LRCH1: variants seen among roughly 807,000 people sequenced by gnomAD.
The protein encoded by LRCH1 is leucine-rich repeat and calponin homology domain-containing protein 1.
LRCH1 carries 23 observed loss-of-function variants against 94.9 expected under a neutral mutation model. That is an observed-to-expected ratio of 0.24 (90% confidence interval 0.17 to 0.34). The LOEUF is 0.34. LRCH1 is among the 10% of genes least tolerant of loss of function. LRCH1 has a pLI of 1.00. For synonymous variants in LRCH1, 364 were observed against 354.9 expected (o/e 1.03, Z -0.29); for missense variants, 790 against 945.9 (o/e 0.84, Z 2.16).
At chr13:46,569,204 C>T (rs180761371) in intron 1 of LRCH1, among the ~76,000 whole-genome samples, 32 of 150,712 alleles carry the variant, frequency 2.1e-4, no homozygotes, top group African/African-American at 7.8e-4. Context: ...TTTCTGGGAT[C>T]ACTGGAATGA....
At chr13:46,704,370 T>C (rs1379910860) in intron 11 of LRCH1, among the ~76,000 whole-genome samples, 1 of 152,102 alleles carries the variant, frequency 6.6e-6, no homozygotes, top group African/African-American at 2.4e-5. Context: ...AAGTTTACCT[T>C]TTATGCATCA....
At chr13:46,586,158 A>G (rs1289270700) in intron 1 of LRCH1, among the ~76,000 whole-genome samples, 1 of 152,258 alleles carries the variant, frequency 6.6e-6, no homozygotes, top group Non-Finnish European at 1.5e-5. Context: ...AGAAAAAGCT[A>G]ACTCCTGGAT....
intron 1 of LRCH1, among the ~76,000 whole-genome samples, chr13:46,637,160 AC>A (rs1221353916): frequency 1.3e-5 from 2 of 151,838 alleles, no homozygotes; most frequent in Non-Finnish European, 2.9e-5. Flanking sequence ...TTTCTCTCAA[AC>A]CCCCATCCAA....
At chr13:46,573,866 A>ATATATATATATAT in intron 1 of LRCH1, among the ~76,000 whole-genome samples, 8 of 63,394 alleles carry the variant, frequency 1.3e-4, no homozygotes, top group African/African-American at 4.1e-4. Flanking sequence ...ATATATATAT[A>ATATATATATATAT]TTTTTTTTTT....
At chr13:46,557,152 A>G (rs937770565) in intron 1 of LRCH1, among the ~76,000 whole-genome samples, 1 of 142,666 alleles carries the variant, frequency 7.0e-6, no homozygotes, top group Admixed American at 7.5e-5. Context: ...ACAAATTTGC[A>G]TATGAGTAAA....
chr13:46,679,531 G>C (rs540022544), intron 3 of LRCH1, among the ~76,000 whole-genome samples: 1 of 152,304 alleles, frequency 6.6e-6, no homozygotes, highest in South Asian at 2.1e-4. Context: ...TCCTAATTCT[G>C]TAATTACTTC....
intron 1 of LRCH1, among the ~76,000 whole-genome samples, chr13:46,619,074 T>C (rs1348699675): frequency 1.7e-5 from 1 of 59,454 alleles, no homozygotes; most frequent in Non-Finnish European, 2.9e-5. Context: ...TTTCCTTCCT[T>C]CCTTCCTTCC....
chr13:46,602,947 A>T (rs562230818), intron 1 of LRCH1, among the ~76,000 whole-genome samples: 1 of 145,226 alleles, frequency 6.9e-6, no homozygotes, highest in East Asian at 2.2e-4. Context: ...AGACCCGGTC[A>T]ACAAATACAT....
At chr13:46,584,499 T>C (rs971701073) in intron 1 of LRCH1, among the ~76,000 whole-genome samples, 7 of 152,238 alleles carry the variant, frequency 4.6e-5, no homozygotes, top group Non-Finnish European at 8.8e-5. Flanking sequence ...TGTTATCACA[T>C]GGCAAGTAGA....
intron 1 of LRCH1, among the ~76,000 whole-genome samples, chr13:46,604,629 G>A (rs1210268197): frequency 6.6e-6 from 1 of 152,186 alleles, no homozygotes; most frequent in East Asian, 1.9e-4. Flanking sequence ...TCTGCCCTCA[G>A]CCTCTGATGT....
chr13:46,558,935 A>G (rs933804475), intron 1 of LRCH1, among the ~76,000 whole-genome samples: 1 of 152,208 alleles, frequency 6.6e-6, no homozygotes, highest in Non-Finnish European at 1.5e-5. Context: ...AGCCTGTGGG[A>G]ATAACACCCT....
chr13:46,658,365 C>G (rs1216861), intron 2 of LRCH1, among the ~76,000 whole-genome samples: 148,506 of 152,304 alleles, frequency 0.98, 72,531 homozygotes, highest in East Asian at 1. Flanking sequence ...ATTTCCCTGT[C>G]CATAGTGCTT....
chr13:46,571,352 C>G lies in LRCH1; in HGVS notation c.307+17649C>G, dbSNP rs531179269. 4.9e-4 allele frequency among the ~76,000 whole-genome samples: 74 copies of G among 152,278 alleles called. 2 individuals carry two copies. The South Asian group carries it at 0.012, about 24-fold the overall frequency. The stretch of plus-strand genomic sequence containing the variant: ...TTGAGTGTGCTGTGTGCCAAGAGAA[C>G]AGTTGTCAGTGGTATTCGCAGTGAT... On this transcript the variant is annotated intron_variant, in intron 1 of 19. Coordinates refer to ENST00000389797, the MANE Select transcript of LRCH1 (RefSeq NM_001164211.2).
intron 4 of LRCH1, 94 bp from the exon 5 acceptor site, chr13:46,685,811 A>G (rs1416014291): frequency 1.1e-6 from 1 of 890,744 alleles, no homozygotes; most frequent in Admixed American, 3.3e-5. Flanking sequence ...ATTTTTCCTG[A>G]GAAGCAGAAC....
intron 3 of LRCH1, among the ~76,000 whole-genome samples, chr13:46,679,086 G>T (rs842364): frequency 0.68 from 103,099 of 152,174 alleles, 35,956 homozygotes; most frequent in East Asian, 0.86. Flanking sequence ...TCACAAGACT[G>T]AAAAAACTTG....
intron 18 of LRCH1, among the ~76,000 whole-genome samples, chr13:46,732,786 CACAAGGCTTCAT>C (rs1873174959): frequency 6.6e-6 from 1 of 152,172 alleles, no homozygotes; most frequent in African/African-American, 2.4e-5. Flanking sequence ...CTTCTGTTTG[CACAAGGCTTCAT>C]GCAGTGGCCT....
At chr13:46,562,011 C>T (rs895526294) in intron 1 of LRCH1, among the ~76,000 whole-genome samples, 5 of 152,122 alleles carry the variant, frequency 3.3e-5, no homozygotes, top group African/African-American at 7.2e-5. Flanking sequence ...TTTGGCTAGA[C>T]GGGACTTTTC....
chr13:46,656,701 TTGCCTTTTCTAG>T (rs1290528740), intron 2 of LRCH1, among the ~76,000 whole-genome samples: 1 of 152,248 alleles, frequency 6.6e-6, no homozygotes, highest in Non-Finnish European at 1.5e-5. Context: ...AGTTTACGCT[TTGCCTTTTCTAG>T]TGCTCACTGG....
intron 1 of LRCH1, among the ~76,000 whole-genome samples, chr13:46,605,370 A>G (rs2050676156): frequency 6.6e-6 from 1 of 152,224 alleles, no homozygotes; most frequent in Admixed American, 6.5e-5. Context: ...ATTTTACAGA[A>G]GCCTTGTGCC....
Sources: allele counts gnomAD v4.1 joint callset (sites outside exome capture counted in the v4.1 genomes callset), GRCh38; gene constraint gnomAD v4.1.1; transcripts MANE v1.5; gene names NCBI Gene and HGNC (gene_info 2026-07-23, HGNC 2026-07-21).